Variants in GPC6 observed in about 807,000 individuals in gnomAD.
The protein encoded by GPC6 is glypican 6.
Under a neutral mutation model 55.2 loss-of-function variants are expected in GPC6, and 14 were observed. That is an observed-to-expected ratio of 0.25 (90% confidence interval 0.17 to 0.40). The LOEUF (loss-of-function observed/expected upper bound fraction) is 0.40, where lower values mean the gene tolerates loss of function less well. Ranked by LOEUF, GPC6 falls within the 10% of genes least tolerant of loss-of-function variation. The probability of loss-of-function intolerance (pLI) is 1.00; values close to 1 mark genes in which losing one functional copy is unlikely to be tolerated. For synonymous variants in GPC6, 278 were observed against 259.6 expected (o/e 1.07, Z -0.68); for missense variants, 641 against 708.5 (o/e 0.90, Z 1.08).
At chr13:93,424,451 T>C (rs1382146207) in intron 1 of GPC6, among the ~76,000 whole-genome samples, 2 of 152,096 alleles carry the variant, frequency 1.3e-5, no homozygotes, top group Admixed American at 6.6e-5. Flanking sequence ...ACATCTCCTG[T>C]CCCATCCATT....
chr13:93,544,928 G>A (rs537752495), intron 1 of GPC6, among the ~76,000 whole-genome samples: 2 of 152,196 alleles, frequency 1.3e-5, no homozygotes, highest in East Asian at 3.9e-4. Flanking sequence ...AGCATACATA[G>A]CTGTATTACA....
chr13:93,813,523 T>C (rs2389050), intron 2 of GPC6, among the ~76,000 whole-genome samples: 101,667 of 152,054 alleles, frequency 0.67, 34,629 homozygotes, highest in East Asian at 0.81. Context: ...CTAAACATTT[T>C]ATCTTAAAGA....
At chr13:94,086,246 A>G (rs376465422) in intron 4 of GPC6, among the ~76,000 whole-genome samples, 3 of 152,312 alleles carry the variant, frequency 2.0e-5, no homozygotes, top group East Asian at 3.9e-4. Context: ...TTTGTGAAGC[A>G]CTTTTTTTCA....
rs115509416 is a variant in GPC6, at chr13:94,011,169, A to G, written c.712-16560A>G. On this transcript the variant is annotated intron_variant, in intron 3 of 8. Transcript: ENST00000377047. The stretch of plus-strand genomic sequence containing the variant: ...GGGGGTTTTTCCAGGGAAAAATTTT[A>G]GCAAAGTTGGAGGAGATGTCAGGAA... Among the ~76,000 whole-genome samples, 1,001 of 152,264 alleles carry G rather than the reference A, an allele frequency of 6.6e-3. 15 individuals carry two copies. Among genetic ancestry groups the G allele is most frequent in the African/African-American group, 0.023 (956 of 41,564 alleles).
chr13:93,647,306 T>C (rs1594339493), intron 2 of GPC6, among the ~76,000 whole-genome samples: 1 of 152,314 alleles, frequency 6.6e-6, no homozygotes, highest in East Asian at 1.9e-4. Flanking sequence ...TTGACGTTTC[T>C]TGAATGAATA....
intron 3 of GPC6, among the ~76,000 whole-genome samples, chr13:93,907,081 C>T (rs907959428): frequency 1.3e-5 from 2 of 152,030 alleles, no homozygotes; most frequent in Non-Finnish European, 2.9e-5. Flanking sequence ...AGAAATAATT[C>T]ATTTTGTAAG....
intron 2 of GPC6, among the ~76,000 whole-genome samples, chr13:93,772,606 A>C (rs1885339054): frequency 6.6e-6 from 1 of 152,122 alleles, no homozygotes; most frequent in Non-Finnish European, 1.5e-5. Context: ...GAAAAAAAGA[A>C]GTTTGGTTAG....
chr13:93,368,632 A>G (rs527515360), intron 1 of GPC6, among the ~76,000 whole-genome samples: 1 of 152,002 alleles, frequency 6.6e-6, no homozygotes, highest in Admixed American at 6.6e-5. Context: ...CTTATTCTCC[A>G]GACATGGTGC....
chr13:93,962,732 ACTATAAAGTGG>A (rs1370838427), intron 3 of GPC6, among the ~76,000 whole-genome samples: 1 of 152,162 alleles, frequency 6.6e-6, no homozygotes, highest in Non-Finnish European at 1.5e-5. Context: ...CCCAAGAAAT[ACTATAAAGTGG>A]CTTCAATGTA....
chr13:93,538,035 A>G (rs951865123), intron 1 of GPC6, among the ~76,000 whole-genome samples: 57 of 152,294 alleles, frequency 3.7e-4, no homozygotes, highest in African/African-American at 1.3e-3. Flanking sequence ...ATCTTGCAGG[A>G]TGAAAGGTTG....
chr13:93,229,705 A>G (rs1875943564), intron 1 of GPC6, among the ~76,000 whole-genome samples: 1 of 150,596 alleles, frequency 6.6e-6, no homozygotes, highest in South Asian at 2.1e-4. Context: ...AATTTCTAAA[A>G]TGTGTGCACT....
chr13:93,709,685 A>G (rs1882985582), intron 2 of GPC6, among the ~76,000 whole-genome samples: 2 of 151,890 alleles, frequency 1.3e-5, no homozygotes, highest in Admixed American at 6.6e-5. Context: ...TTTCATCATT[A>G]TTGGAAAAAA....
chr13:93,773,553 T>G (rs1000533712), intron 2 of GPC6, among the ~76,000 whole-genome samples: 2 of 152,178 alleles, frequency 1.3e-5, no homozygotes, highest in East Asian at 3.8e-4. Flanking sequence ...TCTTATGGTA[T>G]GTGACTGTAG....
chr13:93,227,316 G>A lies in GPC6; in HGVS notation c.-141G>A. On this transcript the variant is annotated 5_prime_UTR_variant, in exon 1 of 9. Coordinates refer to ENST00000377047, the MANE Select transcript of GPC6 (RefSeq NM_005708.5). The surrounding 1 kb of genome is among the most constrained non-coding windows in gnomAD (Gnocchi z 4.3). ...CGCAGTCCAGAGGGCTGCGCTGCTC[G>A]TCCCCTCGGCTGGCAGAAGGGGGTG... is the stretch of plus-strand genomic sequence containing the variant. The A allele has an allele frequency of 1.3e-6, 1 of 768,892 alleles. No individual in the cohort carries two copies. Among genetic ancestry groups the A allele is most frequent in the Non-Finnish European group, 2.2e-6 (1 of 464,090 alleles). The allele number at this position is 768,892 out of a possible 1,614,324, so 47.6% of individuals were successfully genotyped here. A position where few individuals can be genotyped will look rare whatever the true frequency, so the allele number is the denominator to read the frequency against.
chr13:93,783,333 C>T lies in GPC6; in HGVS notation c.320-46821C>T, dbSNP rs1035911812. On this transcript the variant is annotated intron_variant, in intron 2 of 8. Transcript: ENST00000377047. Reference sequence around the variant, plus strand: ...TGATTTATATTCCTTTGGGTATATACCCAGTAATGAGATTGCTGGGTCAGA... The same window carrying T: ...TGATTTATATTCCTTTGGGTATATATCCAGTAATGAGATTGCTGGGTCAGA... Among the ~76,000 whole-genome samples, 87 of 152,040 alleles carry T rather than the reference C, an allele frequency of 5.7e-4. 2 individuals carry two copies. Among genetic ancestry groups the T allele is most frequent in the Admixed American group, 5.7e-3 (87 of 15,250 alleles).
intron 4 of GPC6, among the ~76,000 whole-genome samples, chr13:94,202,259 A>G (rs1022982781): frequency 6.6e-5 from 10 of 152,230 alleles, no homozygotes; most frequent in Non-Finnish European, 1.3e-4. Flanking sequence ...GATATATTTC[A>G]CTAAATAAAA....
chr13:93,332,625 G>T (rs1311339483), intron 1 of GPC6, among the ~76,000 whole-genome samples: 3 of 152,044 alleles, frequency 2.0e-5, no homozygotes, highest in Admixed American at 6.6e-5. Context: ...CTTGTCAAAT[G>T]GATAGTTTGC....
chr13:94,174,869 T>TA (rs1471222341), intron 4 of GPC6, among the ~76,000 whole-genome samples: 1 of 152,222 alleles, frequency 6.6e-6, no homozygotes, highest in African/African-American at 2.4e-5. Context: ...AATTTACCTA[T>TA]AAAAAAGTAA....
At chr13:94,289,949 G>A (rs1874865907) in intron 5 of GPC6, among the ~76,000 whole-genome samples, 2 of 152,158 alleles carry the variant, frequency 1.3e-5, no homozygotes, top group Admixed American at 6.6e-5. Context: ...ACCACTTTGA[G>A]TTGTCTGAGA....
Sources: gnomAD v4.1 joint callset for allele counts (sites outside exome capture counted in the v4.1 genomes callset) on GRCh38, gnomAD v4.1.1 for gene constraint, Gnocchi (gnomAD v3.1) non-coding constraint, MANE v1.5 for transcripts, NCBI Gene and HGNC (gene_info 2026-07-23, HGNC 2026-07-21) for gene names.